Variants in SCHIP1 observed in about 807,000 individuals in gnomAD.
The protein encoded by SCHIP1 is schwannomin-interacting protein 1.
Under a neutral mutation model 29.7 loss-of-function variants are expected in SCHIP1, and 8 were observed. The observed-to-expected ratio is 0.27, with a 90% CI of 0.16 to 0.49. The LOEUF (loss-of-function observed/expected upper bound fraction) is 0.49. Among genes scored for constraint, SCHIP1 ranks in the 20% least tolerant of loss-of-function variants. The pLI, the probability that SCHIP1 is intolerant of heterozygous loss-of-function variation, is 0.99. For missense variants in SCHIP1, 193 were observed against 294.6 expected (o/e 0.66, Z 2.52); for synonymous variants, 76 against 94.9 (o/e 0.80, Z 1.16).
the SCHIP1 span, among the ~76,000 whole-genome samples, chr3:159,784,811 G>A: frequency 3.9e-5 from 6 of 152,144 alleles, no homozygotes; most frequent in South Asian, 1.2e-3. Flanking sequence ...GTGCCACCAT[G>A]CCCAGCTGAT....
the SCHIP1 span, among the ~76,000 whole-genome samples, chr3:159,300,667 C>T: frequency 6.6e-6 from 1 of 152,230 alleles, no homozygotes; most frequent in Non-Finnish European, 1.5e-5. Context: ...TTTTCATCTT[C>T]AGGCCTTGCA....
chr3:159,694,673 C>T, the SCHIP1 span, among the ~76,000 whole-genome samples: 3 of 152,078 alleles, frequency 2.0e-5, no homozygotes. Context: ...TCCAAATCCC[C>T]TAAATTTACA....
the SCHIP1 span, among the ~76,000 whole-genome samples, chr3:159,405,754 G>A: frequency 3.2e-4 from 49 of 151,646 alleles, no homozygotes; most frequent in East Asian, 5.3e-3. Flanking sequence ...ATGGTGGCAC[G>A]CACCTGTAAT....
At chr3:159,322,213 C>G in the SCHIP1 span, among the ~76,000 whole-genome samples, 13 of 152,102 alleles carry the variant, frequency 8.5e-5, no homozygotes, top group Non-Finnish European at 1.3e-4. Flanking sequence ...TGAGCATCCA[C>G]CGTGTGGAAG....
the SCHIP1 span, among the ~76,000 whole-genome samples, chr3:159,280,960 T>C: frequency 6.6e-6 from 1 of 152,296 alleles, no homozygotes; most frequent in African/African-American, 2.4e-5. Context: ...AAAGGGATGA[T>C]GGGAAGGGAG....
the SCHIP1 span, among the ~76,000 whole-genome samples, chr3:159,810,072 G>A: frequency 6.6e-6 from 1 of 152,210 alleles, no homozygotes; most frequent in African/African-American, 2.4e-5. Flanking sequence ...TTGAGACGGA[G>A]TCTCGCACTG....
At chr3:159,433,141 T>C in the SCHIP1 span, among the ~76,000 whole-genome samples, 6 of 152,170 alleles carry the variant, frequency 3.9e-5, no homozygotes. Flanking sequence ...GCACAGTTTG[T>C]GTTGAGCTGA....
chr3:159,305,880 A>G, the SCHIP1 span, among the ~76,000 whole-genome samples: 6 of 152,184 alleles, frequency 3.9e-5, no homozygotes, highest in African/African-American at 1.4e-4. Context: ...ATGCTGCCCT[A>G]TTAGCCCACT....
the SCHIP1 span, among the ~76,000 whole-genome samples, chr3:159,693,968 G>A: frequency 7.9e-5 from 12 of 152,176 alleles, no homozygotes; most frequent in African/African-American, 2.2e-4. Flanking sequence ...TTGAATCCTC[G>A]CTTTGTACTT....
At chr3:159,687,764 C>T in the SCHIP1 span, among the ~76,000 whole-genome samples, 2 of 152,138 alleles carry the variant, frequency 1.3e-5, no homozygotes, top group African/African-American at 2.4e-5. Flanking sequence ...CCTCACTCTC[C>T]GACAAGCCCC....
the SCHIP1 span, among the ~76,000 whole-genome samples, chr3:159,708,339 T>C: frequency 9.9e-5 from 15 of 152,220 alleles, no homozygotes; most frequent in African/African-American, 3.1e-4. Context: ...GGAAGAGAGA[T>C]GGTAAGATAA....
chr3:159,771,294 C>A, the SCHIP1 span, among the ~76,000 whole-genome samples: 1 of 152,146 alleles, frequency 6.6e-6, no homozygotes, highest in South Asian at 2.1e-4. Context: ...TTAAATTACA[C>A]AAGTGTCTGT....
At chr3:159,501,032 A>G in the SCHIP1 span, among the ~76,000 whole-genome samples, 2 of 152,206 alleles carry the variant, frequency 1.3e-5, no homozygotes, top group Non-Finnish European at 2.9e-5. Context: ...AGACATATAC[A>G]CAAATGGTTA....
the SCHIP1 span, among the ~76,000 whole-genome samples, chr3:159,351,460 A>G: frequency 6.6e-6 from 1 of 152,174 alleles, no homozygotes; most frequent in Non-Finnish European, 1.5e-5. Context: ...TCAATGAGTT[A>G]GGGGAAAATG....
At chr3:159,854,898 A>G (rs1713140281) in intron 1 of SCHIP1, among the ~76,000 whole-genome samples, 1 of 152,220 alleles carries the variant, frequency 6.6e-6, no homozygotes. Context: ...AGATGCCTGG[A>G]ATAAGTAAGC....
chr3:159,547,095 C>T, the SCHIP1 span, among the ~76,000 whole-genome samples: 1 of 152,168 alleles, frequency 6.6e-6, no homozygotes, highest in Non-Finnish European at 1.5e-5. Flanking sequence ...TGTTTCCTGA[C>T]TTTTGAATGG....
At chr3:159,618,365 A>G in the SCHIP1 span, among the ~76,000 whole-genome samples, 1 of 152,244 alleles carries the variant, frequency 6.6e-6, no homozygotes, top group Non-Finnish European at 1.5e-5. Flanking sequence ...TTACAAAACT[A>G]TTCATTTAAA....
At chr3:159,789,201 C>G in the SCHIP1 span, among the ~76,000 whole-genome samples, 3 of 152,138 alleles carry the variant, frequency 2.0e-5, no homozygotes, top group South Asian at 6.2e-4. Context: ...AAGTCCAGGC[C>G]AGCAGGCTGG....
chr3:159,659,208 C>A, the SCHIP1 span, among the ~76,000 whole-genome samples: 2 of 152,212 alleles, frequency 1.3e-5, no homozygotes, highest in African/African-American at 4.8e-5. Flanking sequence ...AAGCCCTTAG[C>A]TACCTCTTTG....
Sources: allele counts gnomAD v4.1 joint callset (sites outside exome capture counted in the v4.1 genomes callset), GRCh38; gene constraint gnomAD v4.1.1; transcripts MANE v1.5; gene names NCBI Gene and HGNC (gene_info 2026-07-23, HGNC 2026-07-21).